The following HTR1D variants were observed in gnomAD, a reference collection of about 807,000 sequenced individuals.
The protein encoded by HTR1D is 5-HT-1D.
A neutral mutation model predicts 21.1 loss-of-function variants in HTR1D; 18 were observed. That is an observed-to-expected ratio of 0.85 (90% CI 0.59 to 1.27). The LOEUF (loss-of-function observed/expected upper bound fraction) is 1.27. Ranked by LOEUF, HTR1D falls within the 50% of genes most tolerant of loss-of-function variation. HTR1D has a pLI of 0.00. For synonymous variants in HTR1D, 196 were observed against 204.4 expected (o/e 0.96, Z 0.35); for missense variants, 456 against 481.4 (o/e 0.95, Z 0.49).
Position 23,208,273 on chromosome 1 carries a change from A to G in HTR1D, c.-783+9018T>C, listed in dbSNP as rs190616780. Among the ~76,000 whole-genome samples, 4 of 152,276 alleles carry G rather than the reference A, an allele frequency of 2.6e-5. No individual in the cohort carries two copies. The East Asian group carries it at 7.8e-4, about 30-fold the overall frequency. On this transcript the variant is annotated intron_variant, in intron 1 of 1. Transcript: ENST00000374619. The stretch of plus-strand genomic sequence containing the variant: ...GCAAAAGCCCATCTCTACAAAAAAT[A>G]CAAAAATTAGCCAGGTGGCTGGGCA...
At chr1:23,206,898 G>A (rs945603188) in intron 1 of HTR1D, among the ~76,000 whole-genome samples, 1 of 152,186 alleles carries the variant, frequency 6.6e-6, no homozygotes, top group African/African-American at 2.4e-5. Flanking sequence ...AGGAACTGGT[G>A]GGGAATGGGC....
At chr1:23,197,475 A>T (rs1012964300) in intron 1 of HTR1D, among the ~76,000 whole-genome samples, 3 of 152,204 alleles carry the variant, frequency 2.0e-5, no homozygotes, top group Admixed American at 2.0e-4. Context: ...TCACACCTGT[A>T]ATCCCAGCAC....
At chr1:23,197,641 G>A (rs568913462) in intron 1 of HTR1D, among the ~76,000 whole-genome samples, 22 of 151,514 alleles carry the variant, frequency 1.5e-4, no homozygotes, top group African/African-American at 5.1e-4. Context: ...AGAATCACTC[G>A]AATCCGTGAG....
In HTR1D at chr1:23,217,483, A is replaced by G. The variant is rs1272527069; in HGVS notation, c.-975T>C. Among the ~76,000 whole-genome samples the G allele has an allele frequency of 6.6e-6, 1 of 151,510 alleles. No homozygotes were observed. On this transcript the variant is annotated 5_prime_UTR_variant, in exon 1 of 2. Transcript: ENST00000374619. The surrounding 1 kb of genome is among the most constrained non-coding windows in gnomAD (Gnocchi z 4.6). ...CCGCACCTGCCTCCGCCTCTCCCAG[A>G]GCCCTGCGGCTCCTTCTCCGCGCTC...
At position 23,193,233 on chromosome 1, in the gene HTR1D, G is replaced by T; in HGVS notation, c.987C>A (p.Asp329Glu). The change falls in exon 2 of 2, where the codon GAC becomes GAA. Residue 329 changes from aspartate (D) to glutamate (E), a missense_variant. By Grantham distance (45) the Asp-to-Glu change is conservative. Transcript: ENST00000374619. ...VVSLVLPICRDSCWIHPALFD... is the reference protein window; with the variant it reads ...VVSLVLPICRESCWIHPALFD... ...AGAGCGCCGGGTGGATCCAGCAGGA[G>T]TCCCGGCAGATGGGGAGGACCAGAG... The T allele has an allele frequency of 1.2e-6, 2 of 1,614,196 alleles. No individual in the cohort carries two copies. The highest frequency in any genetic ancestry group is 1.7e-6 in the Non-Finnish European group (2 of 1,180,044).
intron 1 of HTR1D, among the ~76,000 whole-genome samples, chr1:23,206,716 C>G (rs1475600325): frequency 2.0e-5 from 3 of 152,180 alleles, no homozygotes; most frequent in Admixed American, 1.3e-4. Context: ...TAACCTCCCC[C>G]CAAGCCCGGC....
intron 1 of HTR1D, among the ~76,000 whole-genome samples, 81 bp from the exon 2 acceptor site, chr1:23,195,082 A>G (rs1644682776): frequency 6.6e-6 from 1 of 152,222 alleles, no homozygotes; most frequent in South Asian, 2.1e-4. Context: ...TATGATTAAA[A>G]AGATACTACT....
rs771429701 is a variant in HTR1D, at chr1:23,193,217, G to A, written c.1003C>T (p.Pro335Ser). The A allele has an allele frequency of 1.4e-5, 23 of 1,613,926 alleles. No individual in the cohort carries two copies. Among genetic ancestry groups the A allele is most frequent in the Non-Finnish European group, 1.9e-5 (22 of 1,180,028 alleles). The change falls in exon 2 of 2, where the codon CCG becomes TCG. Residue 335 changes from proline (P) to serine (S), a missense_variant. Transcript: ENST00000374619. Reference protein sequence around the residue: ...PICRDSCWIHPALFDFFTWLG... With the variant: ...PICRDSCWIHSALFDFFTWLG... The stretch of plus-strand genomic sequence containing the variant: ...CAGGTGAAGAAGTCAAAGAGCGCCG[G>A]GTGGATCCAGCAGGAGTCCCGGCAG...
rs757946711 is a variant in HTR1D, at chr1:23,193,690, C to T, written c.530G>A (p.Arg177Gln). The stretch of plus-strand genomic sequence containing the variant: ...CATCTCCTCCTGGGCCTTGGCCTGC[C>T]GCCAGAAGAGCGGGGGGATGGAGAT... ...ICISIPPLFW[R>Q]QAKAQEEMSD... is the part of the protein sequence containing the mutation. The change falls in exon 2 of 2, where the codon CGG (arginine) becomes CAG (glutamine). Residue 177 changes from arginine to glutamine, a missense_variant. Arg to Gln is a conservative substitution (Grantham distance 43, BLOSUM62 1). Transcript: ENST00000374619. 1.1e-5 allele frequency: 18 copies of T among 1,613,508 alleles called. No homozygotes were observed. The highest frequency in any genetic ancestry group is 8.8e-5 in the South Asian group (8 of 90,994).
rs929190313 is a variant in HTR1D, at chr1:23,217,127, G to A, written c.-783+164C>T. ...CACCCCCGGTGGCCTCCCTCCGGCC[G>A]GGCAGGTCCTCCGGGACCCTCTCCC... is the stretch of plus-strand genomic sequence containing the variant. On this transcript the variant is annotated intron_variant, in intron 1 of 1. Coordinates refer to ENST00000374619, the MANE Select transcript of HTR1D (RefSeq NM_000864.5). The surrounding 1 kb of genome is among the most constrained non-coding windows in gnomAD (Gnocchi z 4.6). Among the ~76,000 whole-genome samples the A allele has an allele frequency of 3.3e-5, 5 of 151,780 alleles. No individual in the cohort carries two copies. The highest frequency in any genetic ancestry group is 1.5e-5 in the Non-Finnish European group (1 of 67,868).
Position 23,193,943 on chromosome 1 carries a change from G to T in HTR1D, c.277C>A (p.Pro93Thr). The T allele has an allele frequency of 6.2e-7, 1 of 1,614,192 alleles. No homozygotes were observed. Among genetic ancestry groups the T allele is most frequent in the Non-Finnish European group, 8.5e-7 (1 of 1,180,038 alleles). The part of the protein sequence containing the change: ...TDLLVSILVM[P>T]ISIAYTITHT... ...GTGATGGTATAGGCGATGCTGATGG[G>T]CATTACCAAGATGGAAACCAAGAGG... The change falls in exon 2 of 2, where the codon CCC becomes ACC. Residue 93 changes from proline to threonine, a missense_variant. Coordinates refer to ENST00000374619, the MANE Select transcript of HTR1D (RefSeq NM_000864.5).
At chr1:23,216,880 C>A (rs926438391) in intron 1 of HTR1D, among the ~76,000 whole-genome samples, 10 of 152,114 alleles carry the variant, frequency 6.6e-5, no homozygotes, top group Admixed American at 2.0e-4. Flanking sequence ...GAGGGGAGGC[C>A]CCTCCGCGGC....
chr1:23,203,874 G>A (rs1279285708), intron 1 of HTR1D, among the ~76,000 whole-genome samples: 1 of 152,190 alleles, frequency 6.6e-6, no homozygotes, highest in Non-Finnish European at 1.5e-5. Flanking sequence ...GCCAGGCACA[G>A]TGGCTCATAC....
At position 23,193,077 on chromosome 1, in the gene HTR1D, C is replaced by A; in HGVS notation, c.*9G>T. The A allele has an allele frequency of 1.3e-6, 2 of 1,574,068 alleles. No homozygotes were observed. The highest frequency in any genetic ancestry group is 1.2e-5 in the South Asian group (1 of 85,718). ...CACAAAAGATAACAAGAGTCATCACCGAATAAGACTAGGAGGCCTTCCGGA... is the reference window on the plus strand; with the variant it reads ...CACAAAAGATAACAAGAGTCATCACAGAATAAGACTAGGAGGCCTTCCGGA... On this transcript the variant is annotated 3_prime_UTR_variant, in exon 2 of 2. Transcript: ENST00000374619.
chr1:23,192,349 T>C lies in HTR1D; in HGVS notation c.*737A>G. On this transcript the variant is annotated 3_prime_UTR_variant, in exon 2 of 2. Transcript: ENST00000374619. ...AGGTGCCACACAGAATGGAGACCCA[T>C]CCTGGCTCCAAATTCTCTTTCAATT... is the stretch of plus-strand genomic sequence containing the variant. The C allele has an allele frequency of 6.5e-6, 1 of 152,756 alleles. No homozygotes were observed. The allele number at this position is 152,756 out of a possible 1,614,324, so 9.5% of individuals were successfully genotyped here. A position where few individuals can be genotyped will look rare whatever the true frequency, so the allele number is the denominator to read the frequency against.
chr1:23,215,294 G>A (rs1644769426), intron 1 of HTR1D, among the ~76,000 whole-genome samples: 1 of 152,210 alleles, frequency 6.6e-6, no homozygotes, highest in Non-Finnish European at 1.5e-5. Flanking sequence ...TCGCATGCCT[G>A]TAGTCCCAGC....
At chr1:23,200,349 G>A (rs1644704907) in intron 1 of HTR1D, among the ~76,000 whole-genome samples, 1 of 152,176 alleles carries the variant, frequency 6.6e-6, no homozygotes, top group East Asian at 1.9e-4. Flanking sequence ...CTAAGAGCAG[G>A]CATTCTCAGC....
chr1:23,205,294 T>C (rs765785007), intron 1 of HTR1D, among the ~76,000 whole-genome samples: 1 of 152,172 alleles, frequency 6.6e-6, no homozygotes, highest in Non-Finnish European at 1.5e-5. Flanking sequence ...GTGCAGTGTG[T>C]GCTGCTTAGG....
intron 1 of HTR1D, among the ~76,000 whole-genome samples, chr1:23,213,416 G>T (rs879523034): frequency 3.3e-5 from 5 of 152,156 alleles, no homozygotes; most frequent in Non-Finnish European, 7.3e-5. Context: ...TGAGACAGAG[G>T]TTGCAGTGAG....
Sources: allele counts gnomAD v4.1 joint callset (sites outside exome capture counted in the v4.1 genomes callset), GRCh38; gene constraint gnomAD v4.1.1; non-coding constraint Gnocchi (gnomAD v3.1); transcripts MANE v1.5; gene names NCBI Gene and HGNC (gene_info 2026-07-23, HGNC 2026-07-21).